VIPR2: variants seen among roughly 807,000 people sequenced by gnomAD.
VIPR2 encodes vasoactive intestinal peptide receptor 2.
A neutral mutation model predicts 58.0 loss-of-function variants in VIPR2; 48 were observed. The ratio of observed to expected loss-of-function variants is 0.83; its 90% CI spans 0.66 to 1.05. The LOEUF is 1.05. Among genes scored for constraint, VIPR2 ranks in the 50% least tolerant of loss-of-function variants. The probability of loss-of-function intolerance (pLI) is 0.00; values close to 1 mark genes in which losing one functional copy is unlikely to be tolerated. For synonymous variants in VIPR2, 243 were observed against 235.2 expected (o/e 1.03, Z -0.30); for missense variants, 534 against 558.0 (o/e 0.96, Z 0.43).
intron 7 of VIPR2, 31 bp from the exon 8 acceptor site, chr7:159,036,043 A>G: frequency 6.2e-7 from 1 of 1,607,138 alleles, no homozygotes; most frequent in Non-Finnish European, 8.5e-7. Context: ...ACACAGGTGG[A>G]GCGGAGCGGT....
chr7:159,059,057 T>G (rs957218473), intron 4 of VIPR2, among the ~76,000 whole-genome samples: 1 of 152,282 alleles, frequency 6.6e-6, no homozygotes, highest in Non-Finnish European at 1.5e-5. Context: ...AGCCAGCTGC[T>G]GAGCTGCAGT....
chr7:159,061,913 G>A (rs1195977806), intron 4 of VIPR2, among the ~76,000 whole-genome samples: 1 of 152,168 alleles, frequency 6.6e-6, no homozygotes, highest in Non-Finnish European at 1.5e-5. Context: ...CTGCCGCTCT[G>A]GGATCCCGGT....
chr7:159,094,515 T>A (rs1399035168), intron 4 of VIPR2, among the ~76,000 whole-genome samples: 1 of 152,164 alleles, frequency 6.6e-6, no homozygotes, highest in East Asian at 1.9e-4. Flanking sequence ...CATCCTTGGG[T>A]GGCCTCCTGT....
At chr7:159,062,755 T>C (rs541215297) in intron 4 of VIPR2, among the ~76,000 whole-genome samples, 12 of 152,350 alleles carry the variant, frequency 7.9e-5, no homozygotes, top group Non-Finnish European at 1.3e-4. Flanking sequence ...GAATTGTCTC[T>C]ACAGGCTCCG....
In VIPR2 at chr7:159,058,547, T is replaced by C. The variant is rs749881148; in HGVS notation, c.389A>G (p.Tyr130Cys). 1.9e-6 allele frequency: 3 copies of C among 1,613,210 alleles called. No homozygotes were observed. The African/African-American group carries it at 4.0e-5, about 21-fold the overall frequency. Residue 130 changes from tyrosine (Y) to cysteine (C), a missense_variant, in exon 5 of 13, where the codon TAT becomes TGT. This residue lies in a region of VIPR2 where 224 missense variants were observed against 255.7 expected (regional missense o/e 0.88). Transcript: ENST00000262178. ...CAGAGAGACACTGTAGCCCAGTGTA[T>C]AAATGGCCTTCACCAGAATATAAAA... is the stretch of plus-strand genomic sequence containing the variant. ...ITFYILVKAI[Y>C]TLGYSVSLMS...
intron 6 of VIPR2, among the ~76,000 whole-genome samples, chr7:159,042,393 C>A (rs1854406868): frequency 6.6e-6 from 1 of 152,070 alleles, no homozygotes. Context: ...ACAGCACCTG[C>A]TATGTTAAAC....
intron 2 of VIPR2, among the ~76,000 whole-genome samples, chr7:159,133,369 T>C (rs1208931153): frequency 3.9e-5 from 6 of 152,296 alleles, no homozygotes; most frequent in African/African-American, 1.4e-4. Flanking sequence ...GAAAACTTAA[T>C]GTCCTTTCTC....
chr7:159,130,571 C>T (rs576465720), intron 2 of VIPR2, among the ~76,000 whole-genome samples: 50 of 152,034 alleles, frequency 3.3e-4, no homozygotes, highest in Middle Eastern at 3.4e-3. Flanking sequence ...ACCCCTGTGA[C>T]GGCACCCCAG....
intron 4 of VIPR2, among the ~76,000 whole-genome samples, chr7:159,082,441 A>G (rs1856955165): frequency 1.3e-5 from 2 of 152,150 alleles, no homozygotes; most frequent in South Asian, 2.1e-4. Context: ...CAGGAAGGGG[A>G]ACATCACACA....
In VIPR2 at chr7:159,058,504, T is replaced by G. The variant is rs1391842419; in HGVS notation, c.432A>C (p.Gly144=). ...YSVSLMSLAT[G]SIILCLFRKL... ...ACCTGAAGAGGCACAGAATTATGCT[T>G]CCTGTTGCAAGAGACATCAGAGAGA... is the stretch of plus-strand genomic sequence containing the variant. The change falls in exon 5 of 13, where the codon GGA becomes GGC. Residue 144 remains glycine (G), a synonymous_variant. Coordinates refer to ENST00000262178, the MANE Select transcript of VIPR2 (RefSeq NM_003382.5). 1.2e-6 allele frequency: 2 copies of G among 1,613,274 alleles called. No homozygotes were observed. Among genetic ancestry groups the G allele is most frequent in the African/African-American group, 2.7e-5 (2 of 74,930 alleles).
Position 159,097,179 on chromosome 7 carries a change from GAT to G in VIPR2, c.357+6576_357+6577del, listed in dbSNP as rs2129495592. ...AGCTGCTGTGATCTTTGTCACCAGG[GAT>G]GGGAGCCCTGGGGAGTGAAGTTTGC... is the stretch of plus-strand genomic sequence containing the variant. On this transcript the variant is annotated intron_variant, in intron 4 of 12. Transcript: ENST00000262178. This position sits in a 1 kb window ranked among gnomAD's most constrained non-coding sequence, Gnocchi z 5.3. 1 of 1,443,150 alleles carries G rather than the reference GAT, an allele frequency of 6.9e-7. No individual in the cohort carries two copies. Among genetic ancestry groups the G allele is most frequent in the Non-Finnish European group, 9.1e-7 (1 of 1,093,178 alleles). 89.4% of individuals were successfully genotyped at this position (1,443,150 alleles called of 1,614,324 possible). A position where few individuals can be genotyped will look rare whatever the true frequency, so the allele number is the denominator to read the frequency against.
At chr7:159,136,870 C>T (rs1295961400) in intron 2 of VIPR2, among the ~76,000 whole-genome samples, 1 of 152,158 alleles carries the variant, frequency 6.6e-6, no homozygotes, top group African/African-American at 2.4e-5. Flanking sequence ...CGTCACCAAC[C>T]CCCACCAGCA....
intron 4 of VIPR2, among the ~76,000 whole-genome samples, chr7:159,091,308 C>T (rs1049713650): frequency 2.6e-5 from 4 of 152,236 alleles, no homozygotes; most frequent in African/African-American, 7.2e-5. Context: ...GATGAGTCTG[C>T]GGCTGCCCCT....
chr7:159,069,505 G>C (rs1856271359), intron 4 of VIPR2, among the ~76,000 whole-genome samples: 1 of 152,182 alleles, frequency 6.6e-6, no homozygotes, highest in South Asian at 2.1e-4. Context: ...TTTATTCACT[G>C]TATTTAGGGT....
chr7:159,105,043 C>G (rs1231190823), intron 3 of VIPR2, among the ~76,000 whole-genome samples: 2 of 152,258 alleles, frequency 1.3e-5, no homozygotes, highest in East Asian at 3.8e-4. Flanking sequence ...CCCTTACAAT[C>G]TCATCTTTTG....
At chr7:159,105,620 C>G (rs1012760911) in intron 3 of VIPR2, among the ~76,000 whole-genome samples, 2 of 152,112 alleles carry the variant, frequency 1.3e-5, no homozygotes, top group Non-Finnish European at 2.9e-5. Flanking sequence ...CCCACTGGCA[C>G]CCCGACACCA....
chr7:159,133,426 A>G (rs1247154262), intron 2 of VIPR2, among the ~76,000 whole-genome samples: 4 of 152,306 alleles, frequency 2.6e-5, no homozygotes, highest in African/African-American at 9.6e-5. Context: ...CATCTGGGAA[A>G]TGACGCATCA....
intron 6 of VIPR2, 60 bp downstream of exon 6, chr7:159,042,975 G>A: frequency 6.3e-7 from 1 of 1,577,350 alleles, no homozygotes; most frequent in South Asian, 1.2e-5. Flanking sequence ...CTCATCGTGA[G>A]AAGAGGGAAC....
chr7:159,048,724 G>C (rs1434622016), intron 5 of VIPR2, among the ~76,000 whole-genome samples: 2 of 152,184 alleles, frequency 1.3e-5, no homozygotes, highest in African/African-American at 4.8e-5. Flanking sequence ...AATTATGCTA[G>C]TGGCTTGCCT....
Sources: allele counts gnomAD v4.1 joint callset (sites outside exome capture counted in the v4.1 genomes callset), GRCh38; gene constraint gnomAD v4.1.1; regional missense constraint gnomAD v4.1.1; non-coding constraint Gnocchi (gnomAD v3.1); transcripts MANE v1.5; gene names NCBI Gene and HGNC (gene_info 2026-07-23, HGNC 2026-07-21).